The following LARP1B variants were observed in gnomAD, a reference collection of about 807,000 sequenced individuals.
LARP1B encodes La ribonucleoprotein 1B.
Under a neutral mutation model 114.2 loss-of-function variants are expected in LARP1B, and 76 were observed. The ratio of observed to expected loss-of-function variants is 0.67; its 90% confidence interval spans 0.55 to 0.81. The LOEUF is 0.81. LARP1B is among the 30% of genes least tolerant of loss of function. The probability of loss-of-function intolerance (pLI) is 0.00; values close to 1 mark genes in which losing one functional copy is unlikely to be tolerated. For missense variants in LARP1B, 1,014 were observed against 1,075.8 expected (o/e 0.94, Z 0.80); for synonymous variants, 345 against 348.0 (o/e 0.99, Z 0.10).
chr4:128,141,874 T>A (rs1728223100), intron 11 of LARP1B, among the ~76,000 whole-genome samples: 1 of 152,186 alleles, frequency 6.6e-6, no homozygotes. Context: ...TTGACTTTGC[T>A]GATTACTTCA....
At chr4:128,122,468 T>C (rs1337314518) in intron 11 of LARP1B, 1 of 1,521,414 alleles carries the variant, frequency 6.6e-7, no homozygotes, top group African/African-American at 1.4e-5. Flanking sequence ...TGTTTTTTTT[T>C]GTTTTTGTTT....
At chr4:128,183,274 A>G (rs560520074) in intron 15 of LARP1B, among the ~76,000 whole-genome samples, 3 of 152,320 alleles carry the variant, frequency 2.0e-5, no homozygotes, top group Admixed American at 1.3e-4. Context: ...GGAGCAGTCA[A>G]TGTTTGGCTT....
intron 11 of LARP1B, among the ~76,000 whole-genome samples, chr4:128,125,332 C>T (rs551107568): frequency 1.3e-5 from 2 of 152,228 alleles, no homozygotes; most frequent in South Asian, 4.2e-4. Context: ...ATAACTTACT[C>T]GTGTAACCAA....
intron 8 of LARP1B, among the ~76,000 whole-genome samples, chr4:128,102,852 T>C (rs1370025293): frequency 1.3e-5 from 2 of 152,208 alleles, no homozygotes; most frequent in African/African-American, 2.4e-5. Context: ...ATTAATATAA[T>C]ATCAGCCTCA....
rs769714382 is a variant in LARP1B, at chr4:128,178,594, A to G, written c.1848A>G (p.Thr616=). The part of the protein sequence containing the change: ...RTPRLQDPNK[T]PRFYPVVKEP... Reference sequence around the variant, plus strand: ...CTAGGTTACAAGATCCTAACAAAACACCAAGATTTTATCCTGTTGTTAAAG... The same window carrying G: ...CTAGGTTACAAGATCCTAACAAAACGCCAAGATTTTATCCTGTTGTTAAAG... Residue 616 remains threonine, a synonymous_variant, in exon 14 of 20, where the codon ACA becomes ACG. Coordinates refer to ENST00000326639, the MANE Select transcript of LARP1B (RefSeq NM_018078.4). The G allele has an allele frequency of 1.3e-5, 21 of 1,614,098 alleles. No homozygotes were observed. The South Asian group carries it at 2.1e-4, about 16-fold the overall frequency.
Position 128,116,186 on chromosome 4 carries a change from G to C in LARP1B, c.1161+1444G>C, listed in dbSNP as rs546389229. On this transcript the variant is annotated intron_variant, in intron 10 of 19. Transcript: ENST00000326639. ...TGGTACTGCTCTGCATTTTTCACTG[G>C]TGGTAGATACACGAACTTACATATG... Among the ~76,000 whole-genome samples, 18 of 152,262 alleles carry C rather than the reference G, an allele frequency of 1.2e-4. No individual in the cohort carries two copies. In the South Asian group the frequency reaches 3.7e-3, roughly 32 times the overall value.
At chr4:128,066,249 T>C (rs963106423) in intron 1 of LARP1B, among the ~76,000 whole-genome samples, 7 of 145,904 alleles carry the variant, frequency 4.8e-5, no homozygotes, top group Non-Finnish European at 1.0e-4. Context: ...CAATCTCTGC[T>C]CACTGCAAGC....
At chr4:128,115,082 C>T (rs1306330434) in intron 10 of LARP1B, among the ~76,000 whole-genome samples, 2 of 151,896 alleles carry the variant, frequency 1.3e-5, no homozygotes, top group South Asian at 2.1e-4. Context: ...GGATTATAGG[C>T]GCGAGCCACC....
At chr4:128,176,603 A>G (rs1039562339) in intron 12 of LARP1B, among the ~76,000 whole-genome samples, 19 of 151,986 alleles carry the variant, frequency 1.3e-4, no homozygotes, top group Admixed American at 5.9e-4. Flanking sequence ...CAGATTGTAT[A>G]TATTTTTGGC....
chr4:128,140,107 C>T (rs1030152824), intron 11 of LARP1B, among the ~76,000 whole-genome samples: 6 of 151,946 alleles, frequency 3.9e-5, no homozygotes, highest in African/African-American at 1.2e-4. Context: ...TATTGCATGT[C>T]GAAATAGATT....
intron 5 of LARP1B, among the ~76,000 whole-genome samples, chr4:128,088,444 G>A (rs1774555536): frequency 1.3e-5 from 2 of 152,016 alleles, no homozygotes; most frequent in Non-Finnish European, 2.9e-5. Flanking sequence ...ATTAATGCAT[G>A]TTGGTTGTAT....
intron 11 of LARP1B, among the ~76,000 whole-genome samples, chr4:128,126,310 A>C (rs59763839): frequency 0.088 from 13,427 of 151,748 alleles, 1,038 homozygotes; most frequent in East Asian, 0.41. Flanking sequence ...TTTTGTAGAG[A>C]TGGGGTTTCA....
rs191519767 is a variant in LARP1B, at chr4:128,140,943, G to A, written c.1524+18755G>A. Among the ~76,000 whole-genome samples the A allele has an allele frequency of 1.3e-4, 19 of 151,594 alleles. No individual in the cohort carries two copies. The East Asian group carries it at 2.7e-3, about 22-fold the overall frequency. The stretch of plus-strand genomic sequence containing the variant: ...CGATTCTGCTGCCTCAGCCTCCCAA[G>A]TAGCTGGGATTACAGGCATGCACCA... On this transcript the variant is annotated intron_variant, in intron 11 of 19. Transcript: ENST00000326639.
At chr4:128,219,048 T>A (rs1381026836) in intron 6 of LARP1B, among the ~76,000 whole-genome samples, 1 of 142,684 alleles carries the variant, frequency 7.0e-6, no homozygotes, top group East Asian at 2.1e-4. Flanking sequence ...GAAAAAATGC[T>A]CATCATCACT....
chr4:128,075,095 G>A, intron 3 of LARP1B, 102 bp downstream of exon 3: 2 of 810,658 alleles, frequency 2.5e-6, no homozygotes, highest in Non-Finnish European at 2.0e-6. Context: ...TTGTCATACT[G>A]GGGGACAGAT....
chr4:128,075,786 A>G (rs1026407004), intron 3 of LARP1B, among the ~76,000 whole-genome samples: 7 of 152,034 alleles, frequency 4.6e-5, no homozygotes, highest in Admixed American at 2.0e-4. Flanking sequence ...AGCTCAAGCA[A>G]TTGGCTCGCC....
rs56129468 is a variant in LARP1B at position 128,209,920 on chromosome 4, G to A, written c.2612G>A (p.Arg871His). The A allele has an allele frequency of 2.2e-3, 3,470 of 1,613,756 alleles. 76 individuals carry two copies. The African/African-American group carries it at 0.04, about 19-fold the overall frequency. The change falls in exon 20 of 20, where the codon CGT becomes CAT. Residue 871 changes from arginine (R) to histidine (H), a missense_variant. Arg to His is a conservative substitution (Grantham distance 29). Coordinates refer to ENST00000326639, the MANE Select transcript of LARP1B (RefSeq NM_018078.4). ...HSSTSGEESN[R>H]HRLPPNSSTK... ...TCTACTTCTGGTGAGGAGAGTAATC[G>A]TCATAGACTTCCACCTAATTCCTCT...
chr4:128,207,141 C>A, intron 18 of LARP1B, 115 bp from the exon 19 acceptor site: 1 of 472,994 alleles, frequency 2.1e-6, no homozygotes. Flanking sequence ...TTCTCAAGAT[C>A]TAGAGTAAGC....
chr4:128,062,007 C>T (rs1464994322), intron 1 of LARP1B: 1 of 984,908 alleles, frequency 1.0e-6, no homozygotes, highest in Non-Finnish European at 1.2e-6. Flanking sequence ...GGGGAGCCGC[C>T]ACCGCCACCG....
Sources: allele counts gnomAD v4.1 joint callset (sites outside exome capture counted in the v4.1 genomes callset), GRCh38; gene constraint gnomAD v4.1.1; transcripts MANE v1.5; gene names NCBI Gene and HGNC (gene_info 2026-07-23, HGNC 2026-07-21).